The following DCC variants were observed in gnomAD, a reference collection of about 807,000 sequenced individuals.
DCC encodes the protein DCC netrin 1 receptor.
In DCC, 58 loss-of-function variants were observed where a neutral mutation model predicts 172.5. That is an observed-to-expected ratio of 0.34 (90% CI 0.27 to 0.42). The LOEUF (loss-of-function observed/expected upper bound fraction) is 0.42. DCC is among the 10% of genes least tolerant of loss of function. DCC has a pLI of 1.00. For synonymous variants in DCC, 709 were observed against 644.5 expected (o/e 1.10, Z -1.52); for missense variants, 1,740 against 1,791.0 (o/e 0.97, Z 0.51).
In DCC at chr18:52,495,287, C is replaced by T. The variant is rs527805272; in HGVS notation, c.91+154409C>T. Among the ~76,000 whole-genome samples, 11 of 152,184 alleles carry T rather than the reference C, an allele frequency of 7.2e-5. No homozygotes were observed. In the South Asian group the frequency reaches 2.3e-3, roughly 32 times the overall value. On this transcript the variant is annotated intron_variant, in intron 1 of 28. Coordinates refer to ENST00000442544, the MANE Select transcript of DCC (RefSeq NM_005215.4). ...TTCATTTCCCTCTTTTAAGTGGGAT[C>T]CTGACAGTTCAAGTCTTCGTTTTTG...
intron 18 of DCC, among the ~76,000 whole-genome samples, chr18:53,397,930 T>C (rs185261469): frequency 1.7e-4 from 26 of 152,264 alleles, no homozygotes; most frequent in Admixed American, 1.6e-3. Flanking sequence ...GGTGGTTTTG[T>C]TCACTCCTGG....
intron 2 of DCC, among the ~76,000 whole-genome samples, chr18:52,827,155 C>G (rs2038524975): frequency 6.6e-6 from 1 of 152,138 alleles, no homozygotes; most frequent in Non-Finnish European, 1.5e-5. Context: ...GGAGGGGGCC[C>G]TACTCAGTCT....
At chr18:53,082,751 T>C (rs1166662154) in intron 7 of DCC, among the ~76,000 whole-genome samples, 1 of 152,164 alleles carries the variant, frequency 6.6e-6, no homozygotes, top group Non-Finnish European at 1.5e-5. Context: ...TTTATTTTCC[T>C]TCAGAAAACA....
intron 28 of DCC, chr18:53,530,298 T>C: frequency 1.4e-6 from 1 of 702,452 alleles, no homozygotes; most frequent in South Asian, 1.5e-5. Flanking sequence ...TGGGAGAACT[T>C]GATTTGAAAC....
chr18:52,703,606 C>T (rs776588063), intron 1 of DCC, among the ~76,000 whole-genome samples: 19 of 151,986 alleles, frequency 1.3e-4, no homozygotes, highest in Non-Finnish European at 2.8e-4. Context: ...GGGTGGTTGA[C>T]GGAAATGGGT....
chr18:52,800,753 G>A (rs181921030), intron 2 of DCC, among the ~76,000 whole-genome samples: 12 of 152,182 alleles, frequency 7.9e-5, no homozygotes, highest in Admixed American at 2.0e-4. Context: ...GAGTATAGTA[G>A]AGTAAAAGCA....
intron 1 of DCC, among the ~76,000 whole-genome samples, chr18:52,689,683 A>G (rs1209090836): frequency 6.6e-6 from 1 of 152,140 alleles, no homozygotes; most frequent in African/African-American, 2.4e-5. Flanking sequence ...TGCAAATTAG[A>G]AAATATAGAA....
chr18:52,655,807 A>G (rs1051971681), intron 1 of DCC, among the ~76,000 whole-genome samples: 7 of 151,854 alleles, frequency 4.6e-5, no homozygotes, highest in African/African-American at 7.3e-5. Context: ...ACAAGACACA[A>G]ATTTCTTCAA....
intron 9 of DCC, among the ~76,000 whole-genome samples, chr18:53,203,655 A>G (rs2055579552): frequency 6.6e-6 from 1 of 152,238 alleles, no homozygotes; most frequent in South Asian, 2.1e-4. Context: ...AAGTGTATCA[A>G]CAGATTCATG....
At chr18:52,543,474 T>C (rs772034204) in intron 1 of DCC, among the ~76,000 whole-genome samples, 1 of 152,194 alleles carries the variant, frequency 6.6e-6, no homozygotes, top group Non-Finnish European at 1.5e-5. Flanking sequence ...TAAGCAAGAA[T>C]AAAAACCAAC....
intron 1 of DCC, among the ~76,000 whole-genome samples, chr18:52,644,916 T>C (rs868347992): frequency 1.3e-4 from 19 of 151,342 alleles, no homozygotes; most frequent in African/African-American, 4.7e-4. Flanking sequence ...CTCTAAAAAG[T>C]ATATTCATTA....
At chr18:52,444,121 G>T (rs961232377) in intron 1 of DCC, among the ~76,000 whole-genome samples, 1 of 152,190 alleles carries the variant, frequency 6.6e-6, no homozygotes, top group Admixed American at 6.5e-5. Context: ...GTAGGTGCTG[G>T]CTGCAGCCTA....
chr18:53,215,717 CT>C (rs2055835793), intron 12 of DCC, 120 bp downstream of exon 12: 1 of 822,002 alleles, frequency 1.2e-6, no homozygotes, highest in Non-Finnish European at 2.2e-6. Context: ...CAGAAATGTT[CT>C]GGAACAACAC....
chr18:52,924,406 A>T (rs2040169424), intron 4 of DCC, among the ~76,000 whole-genome samples: 1 of 152,116 alleles, frequency 6.6e-6, no homozygotes, highest in Non-Finnish European at 1.5e-5. Flanking sequence ...GTCATTATAG[A>T]GTTTGAGCAA....
At chr18:52,439,174 T>TTGTGTG (rs60983168) in intron 1 of DCC, among the ~76,000 whole-genome samples, 22,389 of 144,516 alleles carry the variant, frequency 0.15, 1,838 homozygotes, top group Middle Eastern at 0.2. Context: ...AAGATATGTT[T>TTGTGTG]TGTGTGTGTG....
Position 52,940,055 on chromosome 18 carries a change from T to C in DCC, c.985+14685T>C, listed in dbSNP as rs532875743. ...CCTCAGCCTGCTGAAACAGAACCTG[T>C]AGGGTTGGGTCCCAGGAAACTGTGC... On this transcript the variant is annotated intron_variant, in intron 5 of 28. Transcript: ENST00000442544. Among the ~76,000 whole-genome samples the C allele has an allele frequency of 7.9e-5, 12 of 152,266 alleles. No individual in the cohort carries two copies. The South Asian group carries it at 1.0e-3, about 13-fold the overall frequency.
At chr18:52,780,582 C>T (rs79579873) in intron 2 of DCC, among the ~76,000 whole-genome samples, 8,054 of 151,976 alleles carry the variant, frequency 0.053, 288 homozygotes, top group South Asian at 0.16. Flanking sequence ...TTTATGCTTA[C>T]GTTTGATGAA....
chr18:53,414,350 C>G (rs928332465), intron 20 of DCC, among the ~76,000 whole-genome samples: 1 of 151,834 alleles, frequency 6.6e-6, no homozygotes, highest in African/African-American at 2.4e-5. Context: ...TGTGTTTTTA[C>G]CACAATAAAT....
At chr18:52,750,058 T>C (rs2036971011) in intron 1 of DCC, among the ~76,000 whole-genome samples, 1 of 152,160 alleles carries the variant, frequency 6.6e-6, no homozygotes, top group Non-Finnish European at 1.5e-5. Context: ...CACGTAGACA[T>C]GGGAAAGGTA....
Sources: gnomAD v4.1 joint callset for allele counts (sites outside exome capture counted in the v4.1 genomes callset) on GRCh38, gnomAD v4.1.1 for gene constraint, MANE v1.5 for transcripts, NCBI Gene and HGNC (gene_info 2026-07-23, HGNC 2026-07-21) for gene names.